CSMD3: variants seen among roughly 807,000 people sequenced by gnomAD.
CSMD3 encodes the protein CUB and sushi domain-containing protein 3.
A neutral mutation model predicts 435.2 loss-of-function variants in CSMD3; 177 were observed. That is an observed-to-expected ratio of 0.41 (90% CI 0.36 to 0.46). The LOEUF is 0.46. Ranked by LOEUF, CSMD3 falls within the 20% of genes least tolerant of loss-of-function variation. The pLI is 0.34. For missense variants in CSMD3, 4,265 were observed against 4,504.6 expected (o/e 0.95, Z 1.52); for synonymous variants, 1,656 against 1,520.5 (o/e 1.09, Z -2.07).
rs117818419 is a variant in CSMD3 at position 113,384,286 on chromosome 8, G to A, written c.178+52391C>T. 4.6e-4 allele frequency among the ~76,000 whole-genome samples: 70 copies of A among 152,088 alleles called. No homozygotes were observed. In the East Asian group the frequency reaches 7.0e-3, roughly 15 times the overall value. ...CTAACTCTGTGTCTGACATTTGGAGGGCACTCAAAATATGTTTAATAAATG... is the reference window on the plus strand; with the variant it reads ...CTAACTCTGTGTCTGACATTTGGAGAGCACTCAAAATATGTTTAATAAATG... On this transcript the variant is annotated intron_variant, in intron 1 of 70. Coordinates refer to ENST00000297405, the MANE Select transcript of CSMD3 (RefSeq NM_198123.2).
At chr8:112,711,729 C>T (rs2076613902) in intron 13 of CSMD3, among the ~76,000 whole-genome samples, 1 of 152,022 alleles carries the variant, frequency 6.6e-6, no homozygotes, top group Admixed American at 6.6e-5. Flanking sequence ...ATATCAATAT[C>T]ATTGTTATTT....
intron 6 of CSMD3, among the ~76,000 whole-genome samples, chr8:112,997,581 T>C (rs1337251419): frequency 6.6e-6 from 1 of 151,570 alleles, no homozygotes; most frequent in Non-Finnish European, 1.5e-5. Context: ...GGTGAGAATT[T>C]GATGGTCAAG....
chr8:112,991,526 A>T (rs577408037), intron 6 of CSMD3, among the ~76,000 whole-genome samples: 1 of 152,010 alleles, frequency 6.6e-6, no homozygotes, highest in South Asian at 2.1e-4. Context: ...GAATCTGTGC[A>T]GTTCTTGCTT....
intron 2 of CSMD3, among the ~76,000 whole-genome samples, chr8:113,294,964 A>T (rs1368557981): frequency 5.3e-5 from 8 of 152,170 alleles, no homozygotes; most frequent in Admixed American, 4.6e-4. Flanking sequence ...TACACATTTA[A>T]TCCACAAAAC....
intron 3 of CSMD3, among the ~76,000 whole-genome samples, chr8:113,226,241 CTCA>C (rs2093027067): frequency 6.6e-6 from 1 of 151,296 alleles, no homozygotes; most frequent in Non-Finnish European, 1.5e-5. Flanking sequence ...TAGTATTTTC[CTCA>C]TAAGAAGGAG....
intron 1 of CSMD3, among the ~76,000 whole-genome samples, chr8:113,416,882 G>A (rs771371416): frequency 6.6e-6 from 1 of 152,004 alleles, no homozygotes; most frequent in African/African-American, 2.4e-5. Flanking sequence ...GAGGAAAGCC[G>A]TCATAAACTG....
chr8:112,469,159 G>GC (rs1437354293), intron 32 of CSMD3, among the ~76,000 whole-genome samples: 1 of 49,970 alleles, frequency 2.0e-5, no homozygotes, highest in Non-Finnish European at 3.5e-5. Flanking sequence ...TCTACACCAG[G>GC]CAAAAAAAAA....
In CSMD3 at chr8:112,228,823, T is replaced by G. The variant is rs370445233; in HGVS notation, c.10897A>C (p.Ile3633Leu). The change falls in exon 70 of 71, where the codon ATT becomes CTT. Residue 3633 changes from isoleucine to leucine, a missense_variant. Physicochemically the swap from Ile to Leu is conservative, Grantham distance 5 (BLOSUM62 2). Coordinates refer to ENST00000297405, the MANE Select transcript of CSMD3 (RefSeq NM_198123.2). ...PHGTNSSSVA[I>L]AILVPFFALI... ...GCAAAAAAAGGCACAAGAATAGCAA[T>G]GGCTACAGAACTACTATTTGTACCA... 61 of 1,590,604 alleles carry G rather than the reference T, an allele frequency of 3.8e-5. No homozygotes were observed. The highest frequency in any genetic ancestry group is 4.8e-5 in the Non-Finnish European group (56 of 1,159,370).
At chr8:112,983,808 G>C (rs1279749048) in intron 6 of CSMD3, among the ~76,000 whole-genome samples, 1 of 151,882 alleles carries the variant, frequency 6.6e-6, no homozygotes, top group Admixed American at 6.6e-5. Context: ...AGGTGTGGGT[G>C]GCTAGGAAGG....
At chr8:112,478,121 G>A (rs1384228413) in intron 31 of CSMD3, among the ~76,000 whole-genome samples, 7 of 152,124 alleles carry the variant, frequency 4.6e-5, no homozygotes, top group Non-Finnish European at 7.4e-5. Context: ...CACCATGATC[G>A]TGAGGCCTAC....
chr8:112,531,294 G>C (rs1384189731), intron 27 of CSMD3, among the ~76,000 whole-genome samples: 5 of 152,080 alleles, frequency 3.3e-5, no homozygotes, highest in Admixed American at 3.3e-4. Context: ...TGGCAGGATG[G>C]AACAAACCCA....
intron 45 of CSMD3, among the ~76,000 whole-genome samples, chr8:112,330,862 A>G (rs1018158063): frequency 2.0e-5 from 3 of 152,066 alleles, no homozygotes; most frequent in African/African-American, 4.8e-5. Context: ...TAAGAATACA[A>G]TGAATTTTAG....
chr8:112,242,692 T>C (rs760452092), intron 65 of CSMD3, among the ~76,000 whole-genome samples: 2 of 152,096 alleles, frequency 1.3e-5, no homozygotes, highest in African/African-American at 4.8e-5. Context: ...AGGGAAACTA[T>C]ATAGATAAAA....
At chr8:113,252,518 C>CTGAT (rs1320124234) in intron 3 of CSMD3, among the ~76,000 whole-genome samples, 2 of 151,998 alleles carry the variant, frequency 1.3e-5, no homozygotes, top group Non-Finnish European at 2.9e-5. Context: ...ATCTTTCTTT[C>CTGAT]TGATACAGAT....
At chr8:112,526,446 A>G (rs116695944) in intron 27 of CSMD3, among the ~76,000 whole-genome samples, 54 of 151,890 alleles carry the variant, frequency 3.6e-4, no homozygotes, top group African/African-American at 1.3e-3. Flanking sequence ...AACACACACC[A>G]CTTAGTTCAA....
chr8:112,765,102 T>C (rs1400422668), intron 13 of CSMD3, among the ~76,000 whole-genome samples: 2 of 151,416 alleles, frequency 1.3e-5, no homozygotes, highest in South Asian at 2.1e-4. Flanking sequence ...TATAAAGATA[T>C]TAGATTTTAC....
intron 59 of CSMD3, among the ~76,000 whole-genome samples, chr8:112,275,854 C>A (rs1266413048): frequency 6.6e-6 from 1 of 152,114 alleles, no homozygotes; most frequent in Admixed American, 6.5e-5. Flanking sequence ...GGGCTACAGC[C>A]AAACCATATT....
chr8:112,372,932 G>C (rs1828552948), intron 38 of CSMD3, among the ~76,000 whole-genome samples: 1 of 146,064 alleles, frequency 6.8e-6, no homozygotes, highest in Non-Finnish European at 1.5e-5. Context: ...TAAATAAAAA[G>C]CAGGGCATGT....
chr8:113,360,133 A>G (rs2094262297), intron 1 of CSMD3, among the ~76,000 whole-genome samples: 1 of 152,094 alleles, frequency 6.6e-6, no homozygotes, highest in African/African-American at 2.4e-5. Context: ...TTTTATTTTT[A>G]TAATATGTAT....
Sources: gnomAD v4.1 joint callset for allele counts (sites outside exome capture counted in the v4.1 genomes callset) on GRCh38, gnomAD v4.1.1 for gene constraint, MANE v1.5 for transcripts, NCBI Gene and HGNC (gene_info 2026-07-23, HGNC 2026-07-21) for gene names.